Variants in MAGI2 observed in about 807,000 individuals in gnomAD.
MAGI2 encodes the protein membrane-associated guanylate kinase, WW and PDZ domain-containing protein 2.
Under a neutral mutation model 133.3 loss-of-function variants are expected in MAGI2, and 35 were observed. The ratio of observed to expected loss-of-function variants is 0.26; its 90% confidence interval spans 0.20 to 0.35. The LOEUF (loss-of-function observed/expected upper bound fraction) is 0.35, where lower values mean the gene tolerates loss of function less well. MAGI2 is among the 10% of genes least tolerant of loss of function. The pLI, the probability that MAGI2 is intolerant of heterozygous loss-of-function variation, is 1.00. For missense variants in MAGI2, 1,636 were observed against 1,863.4 expected, an observed-to-expected ratio of 0.88 and a Z score of 2.25; for synonymous variants, 729 against 710.6, an observed-to-expected ratio of 1.03 and a Z score of -0.41.
intron 2 of MAGI2, among the ~76,000 whole-genome samples, chr7:78,781,312 G>C (rs1193541115): frequency 6.7e-6 from 1 of 149,682 alleles, no homozygotes; most frequent in Non-Finnish European, 1.5e-5. Flanking sequence ...CCAGGACATG[G>C]AGCTTGCAGT....
Position 79,165,871 on chromosome 7 carries a change from A to G in MAGI2, c.302-158665T>C, listed in dbSNP as rs148398655. ...CAAAATAAGCTATTACAGATTCTCT[A>G]TAAATGAGGAGCAATATTAGCAGAG... On this transcript the variant is annotated intron_variant, in intron 1 of 21. Coordinates refer to ENST00000354212, the MANE Select transcript of MAGI2 (RefSeq NM_012301.4). Among the ~76,000 whole-genome samples, 37 of 152,224 alleles carry G rather than the reference A, an allele frequency of 2.4e-4. No homozygotes were observed. The East Asian group carries it at 7.0e-3, about 29-fold the overall frequency.
chr7:78,316,407 G>C (rs1787414942), intron 9 of MAGI2, among the ~76,000 whole-genome samples: 1 of 152,122 alleles, frequency 6.6e-6, no homozygotes, highest in African/African-American at 2.4e-5. Flanking sequence ...AACATTCTGA[G>C]ATCTTTAAGT....
intron 2 of MAGI2, among the ~76,000 whole-genome samples, chr7:78,953,401 A>G (rs775327373): frequency 6.6e-6 from 1 of 152,118 alleles, no homozygotes; most frequent in African/African-American, 2.4e-5. Context: ...TTCTGCCACA[A>G]TGATGGAAAT....
At chr7:78,064,825 G>T (rs918555190) in intron 21 of MAGI2, among the ~76,000 whole-genome samples, 10 of 152,158 alleles carry the variant, frequency 6.6e-5, no homozygotes, top group African/African-American at 2.4e-4. Flanking sequence ...AACCATGGTT[G>T]CAAGGCTATC....
chr7:78,731,605 A>G (rs2151226245), intron 2 of MAGI2, among the ~76,000 whole-genome samples: 1 of 152,266 alleles, frequency 6.6e-6, no homozygotes, highest in East Asian at 1.9e-4. Context: ...TTAAAGTGAC[A>G]TTTAGCAGAA....
At chr7:78,308,448 T>C (rs1798420707) in intron 9 of MAGI2, among the ~76,000 whole-genome samples, 1 of 152,204 alleles carries the variant, frequency 6.6e-6, no homozygotes. Flanking sequence ...AGGCTTCTTA[T>C]TTAGTAGGGG....
At chr7:79,391,508 CAT>C (rs1286692402) in intron 1 of MAGI2, among the ~76,000 whole-genome samples, 6,411 of 68,500 alleles carry the variant, frequency 0.094, 238 homozygotes, top group East Asian at 0.12. Flanking sequence ...TATATATAGA[CAT>C]ATATATATAT....
At chr7:79,299,755 A>T (rs1047804036) in intron 1 of MAGI2, among the ~76,000 whole-genome samples, 2 of 152,068 alleles carry the variant, frequency 1.3e-5, no homozygotes, top group Non-Finnish European at 2.9e-5. Context: ...TGTAATCCCC[A>T]ATGCTAGAGG....
At chr7:78,994,827 T>C (rs568103902) in intron 2 of MAGI2, among the ~76,000 whole-genome samples, 17 of 152,268 alleles carry the variant, frequency 1.1e-4, no homozygotes, top group African/African-American at 4.1e-4. Flanking sequence ...AAATGCTGGT[T>C]CACTTTCTTC....
At chr7:78,127,105 C>T in intron 19 of MAGI2, 92 bp downstream of exon 19, 1 of 1,011,584 alleles carries the variant, frequency 9.9e-7, no homozygotes, top group Non-Finnish European at 1.5e-6. Flanking sequence ...CCATCCCAGA[C>T]AGGTACTCTT....
intron 3 of MAGI2, among the ~76,000 whole-genome samples, chr7:78,590,988 TCC>T (rs1245351387): frequency 6.6e-6 from 1 of 152,210 alleles, no homozygotes; most frequent in Non-Finnish European, 1.5e-5. Flanking sequence ...CAGAGACTCC[TCC>T]CTCTGACTTT....
At chr7:79,441,059 G>T (rs1347615174) in intron 1 of MAGI2, among the ~76,000 whole-genome samples, 29 of 152,328 alleles carry the variant, frequency 1.9e-4, no homozygotes, top group Non-Finnish European at 7.3e-5. Context: ...TTAGAAGTGG[G>T]CTATAAGCGA....
At chr7:78,822,036 T>C (rs1790171714) in intron 2 of MAGI2, among the ~76,000 whole-genome samples, 1 of 152,082 alleles carries the variant, frequency 6.6e-6, no homozygotes, top group Non-Finnish European at 1.5e-5. Flanking sequence ...CTGATGAATA[T>C]GCAACATGGG....
At chr7:79,265,527 C>T (rs1238413497) in intron 1 of MAGI2, among the ~76,000 whole-genome samples, 1 of 152,030 alleles carries the variant, frequency 6.6e-6, no homozygotes, top group African/African-American at 2.4e-5. Flanking sequence ...TATTTATATA[C>T]ACATACACAT....
Position 78,557,080 on chromosome 7 carries a change from C to CAAAAAAAAAAAAAAAAAA in MAGI2, c.539-35453_539-35436dup, listed in dbSNP as rs796371005. On this transcript the variant is annotated intron_variant, in intron 3 of 21. Transcript: ENST00000354212. ...TACTCCAGCCTGGGTGGCAGAGTCT[C>CAAAAAAAAAAAAAAAAAA]AAAAAAAAAAAAAAAAAAAAGAAAA... is the stretch of plus-strand genomic sequence containing the variant. Among the ~76,000 whole-genome samples the CAAAAAAAAAAAAAAAAAA allele has an allele frequency of 4.1e-3, 168 of 40,798 alleles. 4 individuals are homozygous for CAAAAAAAAAAAAAAAAAA. Among genetic ancestry groups the CAAAAAAAAAAAAAAAAAA allele is most frequent in the African/African-American group, 7.4e-3 (64 of 8,594 alleles). 26.8% of individuals were successfully genotyped at this position (40,798 alleles called of 152,430 possible).
rs199659603 is a variant in MAGI2, at chr7:78,299,574, A to AT, written c.1409-42994dup. 9.2e-5 allele frequency among the ~76,000 whole-genome samples: 14 copies of AT among 152,026 alleles called. No individual in the cohort carries two copies. In the South Asian group the frequency reaches 1.5e-3, roughly 16 times the overall value. ...CCAGTGGGTGTGTTATATATGGGTG[A>AT]TTTTTTTTGGGGTTGCCACTATTCT... On this transcript the variant is annotated intron_variant, in intron 9 of 21. Transcript: ENST00000354212.
chr7:78,117,785 T>G (rs1379331451), intron 20 of MAGI2, among the ~76,000 whole-genome samples: 1 of 152,204 alleles, frequency 6.6e-6, no homozygotes, highest in East Asian at 1.9e-4. Context: ...GATAAATTAT[T>G]TGAAGTAATA....
intron 1 of MAGI2, among the ~76,000 whole-genome samples, chr7:79,138,208 T>C (rs918529860): frequency 6.6e-6 from 1 of 152,142 alleles, no homozygotes; most frequent in African/African-American, 2.4e-5. Context: ...ATTCCATTTG[T>C]GGTAATTTTT....
At chr7:79,372,909 G>A (rs1843141272) in intron 1 of MAGI2, among the ~76,000 whole-genome samples, 1 of 151,966 alleles carries the variant, frequency 6.6e-6, no homozygotes, top group Non-Finnish European at 1.5e-5. Context: ...TGCTTTGGGG[G>A]AGTTCAGAAA....
Sources: gnomAD v4.1 joint callset for allele counts (sites outside exome capture counted in the v4.1 genomes callset) on GRCh38, gnomAD v4.1.1 for gene constraint, MANE v1.5 for transcripts, NCBI Gene and HGNC (gene_info 2026-07-23, HGNC 2026-07-21) for gene names.